ICA1: variants seen among roughly 807,000 people sequenced by gnomAD.
The protein encoded by ICA1 is islet cell autoantigen 1, also known as 69 kDa islet cell autoantigen.
ICA1 carries 40 observed loss-of-function variants against 71.0 expected under a neutral mutation model. The ratio of observed to expected loss-of-function variants is 0.56; its 90% CI spans 0.44 to 0.73. The LOEUF (loss-of-function observed/expected upper bound fraction) is 0.73. Ranked by LOEUF, ICA1 falls within the 30% of genes least tolerant of loss-of-function variation. The pLI is 0.00. For missense variants in ICA1, 578 were observed against 576.5 expected, an observed-to-expected ratio of 1.00 and a Z score of -0.03; for synonymous variants, 207 against 209.5, an observed-to-expected ratio of 0.99 and a Z score of 0.10.
At chr7:8,167,989 A>T (rs1440450826) in intron 6 of ICA1, among the ~76,000 whole-genome samples, 1 of 150,910 alleles carries the variant, frequency 6.6e-6, no homozygotes, top group African/African-American at 2.5e-5. Context: ...AAGGTGGCCT[A>T]CAAAGAAAAA....
rs1583571502 is a variant in ICA1, at chr7:8,234,247, A to G, written c.18-1492T>C. Among the ~76,000 whole-genome samples, 1 of 152,212 alleles carries G rather than the reference A, an allele frequency of 6.6e-6. No individual in the cohort carries two copies. The highest frequency in any genetic ancestry group is 2.1e-4 in the South Asian group (1 of 4,832). On this transcript the variant is annotated intron_variant, in intron 2 of 13. Coordinates refer to ENST00000402384, the MANE Select transcript of ICA1 (RefSeq NM_001136020.3). The surrounding 1 kb of genome is among the most constrained non-coding windows in gnomAD (Gnocchi z 4.5). ...AAGAAAAAAGAGAAGAAAAAAGAGA[A>G]AAGAAACAAAAGTAATTGAAAATGA... is the stretch of plus-strand genomic sequence containing the variant.
At chr7:8,248,264 G>T (rs1806817267) in intron 1 of ICA1, among the ~76,000 whole-genome samples, 1 of 148,912 alleles carries the variant, frequency 6.7e-6, no homozygotes, top group South Asian at 2.3e-4. Context: ...TGTCTGTACT[G>T]AGCATATGGT....
intron 6 of ICA1, among the ~76,000 whole-genome samples, chr7:8,195,257 G>A (rs1456709997): frequency 6.6e-6 from 1 of 152,234 alleles, no homozygotes; most frequent in Non-Finnish European, 1.5e-5. Context: ...ATGGGGCTGG[G>A]TGCGGTGGCC....
intron 13 of ICA1, among the ~76,000 whole-genome samples, chr7:8,124,190 G>T (rs551451112): frequency 4.4e-4 from 63 of 143,982 alleles, no homozygotes; most frequent in East Asian, 3.5e-3. Context: ...GCGGGATCTC[G>T]GCTCACTGCA....
intron 6 of ICA1, among the ~76,000 whole-genome samples, chr7:8,182,233 T>A (rs1352582985): frequency 6.6e-6 from 1 of 152,186 alleles, no homozygotes; most frequent in African/African-American, 2.4e-5. Context: ...AAGTTAGTCA[T>A]CCCTGCTACA....
rs554358889 is a variant in ICA1, at chr7:8,144,992, C to T, written c.805-1020G>A. Among the ~76,000 whole-genome samples, 1 of 152,222 alleles carries T rather than the reference C, an allele frequency of 6.6e-6. No homozygotes were observed. Among genetic ancestry groups the T allele is most frequent in the South Asian group, 2.1e-4 (1 of 4,816 alleles). On this transcript the variant is annotated intron_variant, in intron 8 of 13. Coordinates refer to ENST00000402384, the MANE Select transcript of ICA1 (RefSeq NM_001136020.3). This position sits in a 1 kb window ranked among gnomAD's most constrained non-coding sequence, Gnocchi z 4.5. ...GACTGGAGGGCCAGTGAAGATGGTTCTCAGGCTGTGTCTCGGCAGAGCAGA... is the reference window on the plus strand; with the variant it reads ...GACTGGAGGGCCAGTGAAGATGGTTTTCAGGCTGTGTCTCGGCAGAGCAGA...
intron 6 of ICA1, among the ~76,000 whole-genome samples, chr7:8,215,734 A>C (rs933154910): frequency 2.0e-5 from 3 of 152,234 alleles, no homozygotes; most frequent in Non-Finnish European, 4.4e-5. Flanking sequence ...TGAACTCAAA[A>C]AAGAGAATTT....
rs1415251267 is a variant in ICA1 at position 8,132,720 on chromosome 7, C to G, written c.1061-4578G>C. Among the ~76,000 whole-genome samples, 4 of 152,206 alleles carry G rather than the reference C, an allele frequency of 2.6e-5. No individual in the cohort carries two copies. The highest frequency in any genetic ancestry group is 4.4e-5 in the Non-Finnish European group (3 of 68,030). ...ATTCTGGCTGCCCTTAAGGTTTCAT[C>G]CCAAACCATCATACCTTCCCTACAT... On this transcript the variant is annotated intron_variant, in intron 12 of 13. Coordinates refer to ENST00000402384, the MANE Select transcript of ICA1 (RefSeq NM_001136020.3). This position sits in a 1 kb window ranked among gnomAD's most constrained non-coding sequence, Gnocchi z 4.5.
At chr7:8,114,395 C>G (rs1318503348) in intron 13 of ICA1, among the ~76,000 whole-genome samples, 3 of 152,202 alleles carry the variant, frequency 2.0e-5, no homozygotes, top group Non-Finnish European at 4.4e-5. Context: ...AGAAATCAGA[C>G]TGAATGGCTG....
chr7:8,148,951 C>T (rs1039472008), intron 8 of ICA1, among the ~76,000 whole-genome samples: 8 of 152,186 alleles, frequency 5.3e-5, no homozygotes, highest in Non-Finnish European at 8.8e-5. Flanking sequence ...GACGTTGGAT[C>T]ACAAACGCTC....
chr7:8,138,846 C>T lies in ICA1; in HGVS notation c.1054G>A (p.Glu352Lys), dbSNP rs1794245297. ...IDELLDMKSE[E>K]GACLGPVAGT... is the part of the protein sequence containing the mutation. Reference sequence around the variant, plus strand: ...AGAAACACATAAATCTTACCACCTTCCTCAGATTTCATGTCTAATAGTTCA... The same window carrying T: ...AGAAACACATAAATCTTACCACCTTTCTCAGATTTCATGTCTAATAGTTCA... Residue 352 changes from glutamate (E) to lysine (K), a missense_variant, in exon 12 of 14, where the codon GAA (glutamate) becomes AAA (lysine). By Grantham distance (56) the Glu-to-Lys change is moderately conservative (BLOSUM62 1). Coordinates refer to ENST00000402384, the MANE Select transcript of ICA1 (RefSeq NM_001136020.3). 6.2e-7 allele frequency: 1 copy of T among 1,602,112 alleles called. No individual in the cohort carries two copies.
In ICA1 at chr7:8,228,686, T is replaced by C. The variant is rs374406764; in HGVS notation, c.184-13A>G. 3.9e-5 allele frequency: 61 copies of C among 1,574,360 alleles called. No individual in the cohort carries two copies. In the South Asian group the frequency reaches 4.6e-4, roughly 12 times the overall value. ...TTGAATGAAACAGCTGTAATAAAAA[T>C]ACAAACAAAATGCAAAATAAAACAG... On this transcript the variant is annotated splice_polypyrimidine_tract_variant and intron_variant, in intron 3 of 13. Transcript: ENST00000402384.
chr7:8,191,847 T>C (rs752520118), intron 6 of ICA1, among the ~76,000 whole-genome samples: 1 of 152,084 alleles, frequency 6.6e-6, no homozygotes, highest in Non-Finnish European at 1.5e-5. Context: ...AGAAACGTAT[T>C]AAAATTCAAA....
chr7:8,260,043 C>T (rs1380143568), intron 1 of ICA1, among the ~76,000 whole-genome samples: 1 of 152,072 alleles, frequency 6.6e-6, no homozygotes, highest in Non-Finnish European at 1.5e-5. Flanking sequence ...AACACTGCCA[C>T]CTACCCTCAG....
intron 12 of ICA1, among the ~76,000 whole-genome samples, chr7:8,136,219 C>T (rs1215223709): frequency 6.6e-6 from 1 of 152,092 alleles, no homozygotes; most frequent in Non-Finnish European, 1.5e-5. Flanking sequence ...TTTTTGATAA[C>T]ATTGTACCAC....
intron 4 of ICA1, 81 bp downstream of exon 4, chr7:8,228,520 G>T: frequency 1.3e-6 from 1 of 778,464 alleles, no homozygotes; most frequent in Non-Finnish European, 2.0e-6. Flanking sequence ...AGTTTCCTAA[G>T]CATATGAAAT....
intron 6 of ICA1, among the ~76,000 whole-genome samples, chr7:8,209,546 T>G (rs910345706): frequency 6.6e-6 from 1 of 152,206 alleles, no homozygotes; most frequent in East Asian, 1.9e-4. Context: ...CAATTTGGGT[T>G]CGAGGATGTG....
chr7:8,248,172 A>T (rs1182687024), intron 1 of ICA1, among the ~76,000 whole-genome samples: 1 of 152,128 alleles, frequency 6.6e-6, no homozygotes, highest in Non-Finnish European at 1.5e-5. Context: ...TAGTGGTAGA[A>T]TTTTTCTCTT....
chr7:8,176,763 CA>C (rs1455874535), intron 6 of ICA1, among the ~76,000 whole-genome samples: 1 of 152,192 alleles, frequency 6.6e-6, no homozygotes, highest in Non-Finnish European at 1.5e-5. Flanking sequence ...CCACCACCAC[CA>C]CTTACTGATT....
Sources: gnomAD v4.1 joint callset for allele counts (sites outside exome capture counted in the v4.1 genomes callset) on GRCh38, gnomAD v4.1.1 for gene constraint, Gnocchi (gnomAD v3.1) non-coding constraint, MANE v1.5 for transcripts, NCBI Gene and HGNC (gene_info 2026-07-23, HGNC 2026-07-21) for gene names.